P4HA3: variants seen among roughly 807,000 people sequenced by gnomAD.
P4HA3 encodes the protein prolyl 4-hydroxylase subunit alpha-3.
A neutral mutation model predicts 66.7 loss-of-function variants in P4HA3; 60 were observed. That is an observed-to-expected ratio of 0.90 (90% CI 0.73 to 1.12). P4HA3 has a LOEUF of 1.12. Ranked by LOEUF, P4HA3 falls within the 50% of genes most tolerant of loss-of-function variation. The pLI is 0.00. For synonymous variants in P4HA3, 263 were observed against 274.6 expected, an observed-to-expected ratio of 0.96 and a Z score of 0.42; for missense variants, 683 against 685.8, an observed-to-expected ratio of 1.00 and a Z score of 0.05.
intron 4 of P4HA3, among the ~76,000 whole-genome samples, chr11:74,297,541 A>C (rs1861264899): frequency 6.6e-6 from 1 of 152,136 alleles, no homozygotes; most frequent in Non-Finnish European, 1.5e-5. Flanking sequence ...AGCTATACAA[A>C]AGCTATACCT....
chr11:74,290,760 T>A (rs930700973), intron 4 of P4HA3, among the ~76,000 whole-genome samples: 27 of 152,340 alleles, frequency 1.8e-4, no homozygotes, highest in African/African-American at 6.5e-4. Flanking sequence ...GTTGTAGATA[T>A]GCGGCATTAT....
intron 15 of P4HA3, among the ~76,000 whole-genome samples, chr11:74,259,456 C>CA (rs1347940829): frequency 6.6e-6 from 1 of 152,176 alleles, no homozygotes; most frequent in Non-Finnish European, 1.5e-5. Context: ...CTCTACCTAA[C>CA]ACAGTATTTC....
chr11:74,271,932 T>C (rs1860215507), intron 10 of P4HA3, among the ~76,000 whole-genome samples: 3 of 152,130 alleles, frequency 2.0e-5, no homozygotes, highest in African/African-American at 7.2e-5. Context: ...CTCTGTGGGA[T>C]ACAATGACAG....
At chr11:74,268,850 T>C (rs1485933340) in intron 11 of P4HA3, among the ~76,000 whole-genome samples, 1 of 152,208 alleles carries the variant, frequency 6.6e-6, no homozygotes, top group African/African-American at 2.4e-5. Context: ...ACACGGCTTC[T>C]TTGCCGTATC....
intron 6 of P4HA3, 80 bp downstream of exon 6, chr11:74,286,148 T>C (rs1860791303): frequency 2.0e-6 from 3 of 1,532,804 alleles, no homozygotes; most frequent in Admixed American, 3.7e-5. Flanking sequence ...ATCAGCTCTA[T>C]CCCCTCATGT....
chr11:74,301,805 G>C (rs1234507075), intron 3 of P4HA3, among the ~76,000 whole-genome samples: 1 of 152,114 alleles, frequency 6.6e-6, no homozygotes, highest in African/African-American at 2.4e-5. Context: ...TAAAGTGAAT[G>C]GCCTTAGATT....
intron 9 of P4HA3, 51 bp downstream of exon 9, chr11:74,276,933 AT>A: frequency 6.5e-7 from 1 of 1,541,002 alleles, no homozygotes; most frequent in Non-Finnish European, 8.8e-7. Flanking sequence ...AGAGAAATAA[AT>A]AATGCCCTGG....
intron 15 of P4HA3, chr11:74,250,819 G>C: frequency 1.5e-6 from 1 of 680,582 alleles, no homozygotes; most frequent in South Asian, 1.8e-5. Flanking sequence ...AGCAAGACTT[G>C]ATAATTGGGT....
chr11:74,250,839 T>G, intron 15 of P4HA3: 3 of 805,660 alleles, frequency 3.7e-6, no homozygotes, highest in East Asian at 2.7e-5. Context: ...TCCAGAGTAT[T>G]GAGGTGAGGT....
At chr11:74,306,257 G>A (rs1861578094) in intron 1 of P4HA3, among the ~76,000 whole-genome samples, 1 of 152,190 alleles carries the variant, frequency 6.6e-6, no homozygotes. Context: ...GGCAGAAATG[G>A]TAGGGCCTGA....
At chr11:74,272,219 T>TACACACACACACAC (rs10534821) in intron 10 of P4HA3, among the ~76,000 whole-genome samples, 4 of 150,510 alleles carry the variant, frequency 2.7e-5, no homozygotes, top group Middle Eastern at 3.4e-3. Context: ...TGCACACACA[T>TACACACACACACAC]ACACACACAC....
intron 4 of P4HA3, among the ~76,000 whole-genome samples, chr11:74,289,400 T>C (rs1395610471): frequency 6.6e-6 from 1 of 152,052 alleles, no homozygotes; most frequent in Non-Finnish European, 1.5e-5. Flanking sequence ...CTTCTTAAAG[T>C]GCCCTCAAAT....
intron 15 of P4HA3, among the ~76,000 whole-genome samples, chr11:74,258,938 T>A (rs1007503998): frequency 6.6e-6 from 1 of 152,192 alleles, no homozygotes; most frequent in Non-Finnish European, 1.5e-5. Context: ...ATAAGGGGAT[T>A]CATTCATCCT....
At chr11:74,269,623 C>T in intron 11 of P4HA3, 29 bp downstream of exon 11, 3 of 1,605,058 alleles carry the variant, frequency 1.9e-6, no homozygotes, top group African/African-American at 1.3e-5. Context: ...TCCCTCAACC[C>T]CGTCTTCTGG....
Position 74,289,109 on chromosome 11 carries a change from G to T in P4HA3, c.739C>A (p.Leu247Ile). ...AGAAGAAACTCCCGAGAGAGGCTGA[G>T]GGCACACGAAACATTTCCTGCCTGT... The part of the protein sequence containing the change: ...YFRAGNVSCA[L>I]SLSREFLLYS... Residue 247 changes from leucine (L) to isoleucine (I), a missense_variant, in exon 5 of 13, where the codon CTC (leucine) becomes ATC (isoleucine). Transcript: ENST00000331597. 1 of 1,582,642 alleles carries T rather than the reference G, an allele frequency of 6.3e-7. No homozygotes were observed. The highest frequency in any genetic ancestry group is 8.6e-7 in the Non-Finnish European group (1 of 1,166,866).
chr11:74,250,859 G>A, intron 15 of P4HA3: 1 of 1,025,026 alleles, frequency 9.8e-7, no homozygotes, highest in South Asian at 1.4e-5. Context: ...TTGGAAATGG[G>A]GAGGTAGGTC....
intron 5 of P4HA3, chr11:74,287,378 G>T: frequency 8.3e-7 from 1 of 1,207,130 alleles, no homozygotes; most frequent in African/African-American, 1.6e-5. Context: ...GAAATTATAA[G>T]CCCAAACCCC....
rs368559026 is a variant in P4HA3, at chr11:74,278,162, G to GGTAA, written c.1176-1022_1176-1019dup. ...GAAGTTCATTCCAGTGGGGCACTCA[G>GGTAA]GTAAGATAGTGACATTTAAGCCAAA... On this transcript the variant is annotated intron_variant, in intron 8 of 12. Coordinates refer to ENST00000331597, the MANE Select transcript of P4HA3 (RefSeq NM_182904.5). 5.4e-3 allele frequency among the ~76,000 whole-genome samples: 824 copies of GGTAA among 152,178 alleles called. 7 individuals carry two copies. Among genetic ancestry groups the GGTAA allele is most frequent in the African/African-American group, 0.017 (689 of 41,456 alleles).
intron 3 of P4HA3, among the ~76,000 whole-genome samples, chr11:74,301,089 G>C (rs1023906453): frequency 1.1e-4 from 17 of 152,220 alleles, no homozygotes; most frequent in East Asian, 7.7e-4. Flanking sequence ...GGGATGGGGG[G>C]TGGCGAGGAG....
Sources: gnomAD v4.1 joint callset for allele counts (sites outside exome capture counted in the v4.1 genomes callset) on GRCh38, gnomAD v4.1.1 for gene constraint, MANE v1.5 for transcripts, NCBI Gene and HGNC (gene_info 2026-07-23, HGNC 2026-07-21) for gene names.